The following AFAP1L1 variants were observed in gnomAD, a reference collection of about 807,000 sequenced individuals.
AFAP1L1 encodes the protein actin filament associated protein 1 like 1, also known as actin filament-associated protein 1-like 1.
AFAP1L1 carries 77 observed loss-of-function variants against 99.8 expected under a neutral mutation model. The observed-to-expected ratio is 0.77, with a 90% CI of 0.64 to 0.93. The LOEUF is 0.93. Among genes scored for constraint, AFAP1L1 ranks in the 40% least tolerant of loss-of-function variants. The probability of loss-of-function intolerance (pLI) is 0.00; values close to 1 mark genes in which losing one functional copy is unlikely to be tolerated. For missense variants in AFAP1L1, 893 were observed against 996.8 expected, an observed-to-expected ratio of 0.90 and a Z score of 1.40; for synonymous variants, 373 against 395.3, an observed-to-expected ratio of 0.94 and a Z score of 0.67.
chr5:149,299,509 T>C lies in AFAP1L1; in HGVS notation c.17T>C (p.Val6Ala). The change falls in exon 2 of 19, where the codon GTG (valine) becomes GCG (alanine). Residue 6 changes from valine (V) to alanine (A), a missense_variant and splice_region_variant. Coordinates refer to ENST00000296721, the MANE Select transcript of AFAP1L1 (RefSeq NM_152406.4). MDRGQ[V>A]LEQLLPELTG... ...TGTGCCCGTCTGCCTTCCTCCGCAG[T>C]GCTGGAGCAGCTGCTCCCAGAGCTC... 6.2e-7 allele frequency: 1 copy of C among 1,614,094 alleles called. No homozygotes were observed. Among genetic ancestry groups the C allele is most frequent in the Non-Finnish European group, 8.5e-7 (1 of 1,179,994 alleles).
At chr5:149,282,415 A>G (rs180897182) in intron 1 of AFAP1L1, among the ~76,000 whole-genome samples, 1 of 152,326 alleles carries the variant, frequency 6.6e-6, no homozygotes, top group African/African-American at 2.4e-5. Context: ...TGAGTAGTGT[A>G]GTGTGGTGGA....
At chr5:149,313,879 G>C (rs1756714755) in intron 9 of AFAP1L1, among the ~76,000 whole-genome samples, 1 of 152,212 alleles carries the variant, frequency 6.6e-6, no homozygotes, top group African/African-American at 2.4e-5. Context: ...AAAAGGCATT[G>C]TAAGCAGAGG....
At chr5:149,315,969 C>G in intron 10 of AFAP1L1, 55 bp downstream of exon 10, 1 of 1,603,698 alleles carries the variant, frequency 6.2e-7, no homozygotes, top group Non-Finnish European at 8.5e-7. Context: ...CCGGGCCTTG[C>G]CCATGGGCAC....
At chr5:149,308,696 C>T (rs1299132991) in intron 7 of AFAP1L1, among the ~76,000 whole-genome samples, 1 of 152,112 alleles carries the variant, frequency 6.6e-6, no homozygotes, top group Non-Finnish European at 1.5e-5. Context: ...AATCCTACCC[C>T]TTCTATATTT....
At chr5:149,336,698 ATAACCCATTAATGCAT>A (rs1321459178) in intron 18 of AFAP1L1, among the ~76,000 whole-genome samples, 1 of 152,194 alleles carries the variant, frequency 6.6e-6, no homozygotes, top group Non-Finnish European at 1.5e-5. Context: ...CACTCCCATG[ATAACCCATTAATGCAT>A]TAACTCATTA....
At chr5:149,314,301 C>T (rs1028281946) in intron 9 of AFAP1L1, among the ~76,000 whole-genome samples, 3 of 152,108 alleles carry the variant, frequency 2.0e-5, no homozygotes. Context: ...TGTGTGTGCA[C>T]GCACTTGCCA....
intron 1 of AFAP1L1, among the ~76,000 whole-genome samples, chr5:149,293,139 G>C (rs952850389): frequency 1.3e-5 from 2 of 152,136 alleles, no homozygotes; most frequent in Non-Finnish European, 2.9e-5. Flanking sequence ...AACTCCATGG[G>C]GCGATCACAG....
At chr5:149,309,144 G>A (rs1361691803) in intron 7 of AFAP1L1, among the ~76,000 whole-genome samples, 1 of 152,064 alleles carries the variant, frequency 6.6e-6, no homozygotes, top group Non-Finnish European at 1.5e-5. Flanking sequence ...TACCATTCAG[G>A]ATGACATTTG....
In AFAP1L1 at chr5:149,319,716, C is replaced by T; in HGVS notation, c.1614C>T (p.Arg538=). Residue 538 remains arginine (R), a synonymous_variant, in exon 13 of 19, where the codon CGC becomes CGT. Transcript: ENST00000296721. The part of the protein sequence containing the change: ...ETLTSIVSAG[R]NSFLYARSCQ... ...TAACCAGCATCGTCAGTGCTGGGCG[C>T]AACTCCTTCCTGTAAGTGTCAGCTG... is the stretch of plus-strand genomic sequence containing the variant. 6.2e-7 allele frequency: 1 copy of T among 1,611,982 alleles called. No homozygotes were observed. Among genetic ancestry groups the T allele is most frequent in the Non-Finnish European group, 8.5e-7 (1 of 1,179,940 alleles).
rs929914146 is a variant in AFAP1L1, at chr5:149,271,922, G to C, written c.-47G>C. The C allele has an allele frequency of 4.7e-5, 57 of 1,217,898 alleles. No individual in the cohort carries two copies. The Admixed American group carries it at 4.7e-4, about 10-fold the overall frequency. 75.4% of individuals were successfully genotyped at this position (1,217,898 alleles called of 1,614,324 possible). A position where few individuals can be genotyped will look rare whatever the true frequency, so the allele number is the denominator to read the frequency against. On this transcript the variant is annotated 5_prime_UTR_variant, in exon 1 of 19. Transcript: ENST00000296721. ...GCGCCGGCCGCTACCAGCCGCGCCG[G>C]AGCCCCTGCGCCCTGCGGCCCGCTC... is the stretch of plus-strand genomic sequence containing the variant.
In AFAP1L1 at chr5:149,315,833, G is replaced by C; in HGVS notation, c.1033G>C (p.Glu345Gln). 1 of 1,614,154 alleles carries C rather than the reference G, an allele frequency of 6.2e-7. No individual in the cohort carries two copies. The highest frequency in any genetic ancestry group is 1.1e-5 in the South Asian group (1 of 91,066). The change falls in exon 10 of 19, where the codon GAG becomes CAG. Residue 345 changes from glutamate (E) to glutamine (Q), a missense_variant. Physicochemically the swap from Glu to Gln is conservative, Grantham distance 29. Transcript: ENST00000296721. ...KLDLDKRLSQ[E>Q]KQTSDSDSVG... ...TGTCCCTCCTCAGAGGCTGTCCCAA[G>C]AGAAGCAGACCTCAGATTCTGACAG...
chr5:149,340,161 A>G lies in AFAP1L1; in HGVS notation c.*131A>G. 1.0e-6 allele frequency: 1 copy of G among 995,636 alleles called. No individual in the cohort carries two copies. The highest frequency in any genetic ancestry group is 2.2e-5 in the Admixed American group (1 of 45,664). 61.7% of individuals were successfully genotyped at this position (995,636 alleles called of 1,614,324 possible). A position where few individuals can be genotyped will look rare whatever the true frequency, so the allele number is the denominator to read the frequency against. ...CGTTCTCCAGGGCACCCAAAATACC[A>G]GCCTTTATTGTCTGCATGATTTTAG... On this transcript the variant is annotated 3_prime_UTR_variant, in exon 19 of 19. Coordinates refer to ENST00000296721, the MANE Select transcript of AFAP1L1 (RefSeq NM_152406.4).
chr5:149,301,656 C>T (rs934725402), intron 4 of AFAP1L1, among the ~76,000 whole-genome samples: 2 of 152,098 alleles, frequency 1.3e-5, no homozygotes, highest in African/African-American at 2.4e-5. Flanking sequence ...TAGCCTTAGG[C>T]GAGTCGCTTC....
intron 1 of AFAP1L1, among the ~76,000 whole-genome samples, chr5:149,294,567 C>G (rs1755961628): frequency 1.3e-5 from 2 of 152,166 alleles, no homozygotes; most frequent in African/African-American, 4.8e-5. Flanking sequence ...GGGATGAGAT[C>G]CCTGCTGTTA....
At chr5:149,300,420 C>T in intron 3 of AFAP1L1, 66 bp downstream of exon 3, 1 of 1,430,716 alleles carries the variant, frequency 7.0e-7, no homozygotes, top group Non-Finnish European at 9.7e-7. Context: ...GCAGAAGGGT[C>T]CCCCGACTGG....
Position 149,326,911 on chromosome 5 carries a change from A to G in AFAP1L1, c.1811-2755A>G, listed in dbSNP as rs192231726. On this transcript the variant is annotated intron_variant, in intron 15 of 18. Transcript: ENST00000296721. ...GTGGCTTCATACTTCAAGAGGAAGT[A>G]GACTACAATAAAATAGTTCAGACAA... is the stretch of plus-strand genomic sequence containing the variant. Among the ~76,000 whole-genome samples the G allele has an allele frequency of 5.5e-4, 84 of 152,352 alleles. 1 individual carries two copies. In the South Asian group the frequency reaches 8.1e-3, roughly 15 times the overall value.
chr5:149,314,562 A>C (rs1031573040), intron 9 of AFAP1L1, among the ~76,000 whole-genome samples: 4 of 152,140 alleles, frequency 2.6e-5, no homozygotes, highest in African/African-American at 9.7e-5. Flanking sequence ...GCTCTATCTG[A>C]TGAAAAACTT....
intron 5 of AFAP1L1, among the ~76,000 whole-genome samples, chr5:149,305,986 C>G (rs1756398188): frequency 6.6e-6 from 1 of 151,886 alleles, no homozygotes; most frequent in Non-Finnish European, 1.5e-5. Context: ...CTGAGAAAGT[C>G]AGAGGAAAGA....
intron 1 of AFAP1L1, among the ~76,000 whole-genome samples, chr5:149,283,173 G>A (rs371162097): frequency 6.6e-6 from 1 of 152,308 alleles, no homozygotes; most frequent in Non-Finnish European, 1.5e-5. Context: ...ACAGGTTCCC[G>A]TTTGGCTTTC....
Sources: allele counts gnomAD v4.1 joint callset (sites outside exome capture counted in the v4.1 genomes callset), GRCh38; gene constraint gnomAD v4.1.1; transcripts MANE v1.5; gene names NCBI Gene and HGNC (gene_info 2026-07-23, HGNC 2026-07-21).